Variants in USPL1 observed in about 807,000 individuals in gnomAD.
USPL1 encodes the protein SUMO-specific isopeptidase USPL1.
A neutral mutation model predicts 51.5 loss-of-function variants in USPL1; 27 were observed. That is an observed-to-expected ratio of 0.52 (90% confidence interval 0.39 to 0.72). The LOEUF (loss-of-function observed/expected upper bound fraction) is 0.72. Ranked by LOEUF, USPL1 falls within the 30% of genes least tolerant of loss-of-function variation. USPL1 has a pLI of 0.00. For synonymous variants in USPL1, 451 were observed against 459.6 expected, an observed-to-expected ratio of 0.98 and a Z score of 0.24; for missense variants, 1,226 against 1,268.0, an observed-to-expected ratio of 0.97 and a Z score of 0.50.
intron 4 of USPL1, among the ~76,000 whole-genome samples, chr13:30,631,874 C>T (rs1950810810): frequency 6.6e-6 from 1 of 152,136 alleles, no homozygotes; most frequent in South Asian, 2.1e-4. Flanking sequence ...CTTCTGTTTC[C>T]TGGAGGCCTG....
intron 7 of USPL1, 37 bp from the exon 8 acceptor site, chr13:30,653,111 A>G: frequency 6.5e-7 from 1 of 1,539,824 alleles, no homozygotes; most frequent in Non-Finnish European, 8.8e-7. Flanking sequence ...ACATGGCATT[A>G]AATTTATTTA....
intron 8 of USPL1, among the ~76,000 whole-genome samples, chr13:30,656,708 G>C (rs545652666): frequency 6.6e-6 from 1 of 152,128 alleles, no homozygotes; most frequent in East Asian, 1.9e-4. Context: ...GGGTCTTAAC[G>C]GTAATTCTGT....
intron 4 of USPL1, 149 bp downstream of exon 4, chr13:30,631,623 C>T (rs1412191228): frequency 1.4e-6 from 1 of 704,970 alleles, no homozygotes; most frequent in East Asian, 2.8e-5. Context: ...ACCTCAGTCT[C>T]CCAAGTAGCT....
In USPL1 at chr13:30,646,893, A is replaced by G. The variant is rs779947556; in HGVS notation, c.1113-39A>G. 13 of 1,586,540 alleles carry G rather than the reference A, an allele frequency of 8.2e-6. No individual in the cohort carries two copies. In the South Asian group the frequency reaches 1.5e-4, roughly 18 times the overall value. Reference sequence around the variant, plus strand: ...CATTGGTTTAAATTAATGTAAATGCATTTAACGTTAATGAATTTGTTATGT... The same window carrying G: ...CATTGGTTTAAATTAATGTAAATGCGTTTAACGTTAATGAATTTGTTATGT... On this transcript the variant is annotated intron_variant, in intron 6 of 8. Coordinates refer to ENST00000255304, the MANE Select transcript of USPL1 (RefSeq NM_005800.5).
At position 30,653,004 on chromosome 13, in the gene USPL1, GCA is replaced by G. The variant is rs1201182855; in HGVS notation, c.1239-139_1239-138del. 27 of 685,172 alleles carry G rather than the reference GCA, an allele frequency of 3.9e-5. No individual in the cohort carries two copies. In the East Asian group the frequency reaches 7.0e-4, roughly 18 times the overall value. The allele number at this position is 685,172 out of a possible 1,614,324, so 42.4% of individuals were successfully genotyped here. A position where few individuals can be genotyped will look rare whatever the true frequency, so the allele number is the denominator to read the frequency against. Reference sequence around the variant, plus strand: ...AGAGAGTTCTCCATTTCTAATTAAGGCACACATCTGGAGGTGCTCAAGAAAAA... The same window carrying G: ...AGAGAGTTCTCCATTTCTAATTAAGGCACATCTGGAGGTGCTCAAGAAAAA... On this transcript the variant is annotated intron_variant, in intron 7 of 8. Transcript: ENST00000255304.
intron 3 of USPL1, among the ~76,000 whole-genome samples, chr13:30,630,057 G>C (rs1950780155): frequency 6.6e-6 from 1 of 152,058 alleles, no homozygotes; most frequent in African/African-American, 2.4e-5. Context: ...GCTCATTGCA[G>C]CCTCCAACTC....
At chr13:30,636,293 G>A (rs1175839256) in intron 4 of USPL1, among the ~76,000 whole-genome samples, 1 of 151,240 alleles carries the variant, frequency 6.6e-6, no homozygotes, top group Non-Finnish European at 1.5e-5. Context: ...CAGAATAATT[G>A]TAGTTTTTAT....
chr13:30,626,440 T>C (rs1950717765), intron 3 of USPL1, among the ~76,000 whole-genome samples: 1 of 152,252 alleles, frequency 6.6e-6, no homozygotes, highest in African/African-American at 2.4e-5. Flanking sequence ...AACATAGCCA[T>C]GCTCAATCAT....
intron 6 of USPL1, among the ~76,000 whole-genome samples, chr13:30,643,457 G>T (rs1182937628): frequency 1.3e-5 from 2 of 152,148 alleles, no homozygotes; most frequent in African/African-American, 4.8e-5. Context: ...TTTAGAAGAG[G>T]AGTCAGGGAG....
chr13:30,651,590 G>A (rs1951092720), intron 7 of USPL1, among the ~76,000 whole-genome samples: 1 of 152,198 alleles, frequency 6.6e-6, no homozygotes, highest in Admixed American at 6.5e-5. Context: ...ATATTCTAGG[G>A]ATCAAGAGAT....
Position 30,631,476 on chromosome 13 carries a change from T to A in USPL1, c.868+2T>A, listed in dbSNP as rs1304594218. The A allele has an allele frequency of 6.2e-7, 1 of 1,604,948 alleles. No individual in the cohort carries two copies. The highest frequency in any genetic ancestry group is 8.5e-7 in the Non-Finnish European group (1 of 1,176,736). On this transcript the variant is annotated splice_donor_variant, in intron 4 of 8. Coordinates refer to ENST00000255304, the MANE Select transcript of USPL1 (RefSeq NM_005800.5). LOFTEE classifies it high-confidence loss of function. Reference sequence around the variant, plus strand: ...CCAGTCAATTGAGTGGTGTTAAAGGTTGGTACTAATATTTTATTTTTATTT... The same window carrying A: ...CCAGTCAATTGAGTGGTGTTAAAGGATGGTACTAATATTTTATTTTTATTT...
intron 4 of USPL1, among the ~76,000 whole-genome samples, chr13:30,632,880 T>G (rs1355571292): frequency 6.6e-6 from 1 of 152,170 alleles, no homozygotes; most frequent in African/African-American, 2.4e-5. Context: ...AAGGGATATG[T>G]TTTTCATTTT....
rs138640605 is a variant in USPL1 at position 30,652,000 on chromosome 13, G to A, written c.1239-1148G>A. ...GGTCAGATAGGTGCCTAAAGCCTGT[G>A]TGTCTCGCTATGAGAATACATCTCA... On this transcript the variant is annotated intron_variant, in intron 7 of 8. Transcript: ENST00000255304. 7.7e-3 allele frequency among the ~76,000 whole-genome samples: 1,166 copies of A among 152,052 alleles called. 5 individuals are homozygous for A. The highest frequency in any genetic ancestry group is 0.019 in the South Asian group (91 of 4,818).
intron 3 of USPL1, among the ~76,000 whole-genome samples, chr13:30,628,532 TC>T (rs1279518665): frequency 1.3e-5 from 2 of 152,150 alleles, no homozygotes; most frequent in Non-Finnish European, 1.5e-5. Context: ...ATGCTATCCC[TC>T]CCCTAGCCCC....
At chr13:30,643,430 T>A (rs988196742) in intron 6 of USPL1, among the ~76,000 whole-genome samples, 4 of 151,966 alleles carry the variant, frequency 2.6e-5, no homozygotes, top group Admixed American at 2.6e-4. Context: ...ACCCACCACG[T>A]AAGGAGAGGA....
intron 3 of USPL1, 111 bp downstream of exon 3, chr13:30,622,003 A>T (rs1334905114): frequency 4.2e-6 from 3 of 709,152 alleles, no homozygotes; most frequent in African/African-American, 3.7e-5. Context: ...TAGATTTTTA[A>T]TATGTAATCT....
In USPL1 at chr13:30,659,041, T is replaced by C. The variant is rs1338198511; in HGVS notation, c.2964T>C (p.Asn988=). Residue 988 remains asparagine, a synonymous_variant, in exon 9 of 9, where the codon AAT becomes AAC. Transcript: ENST00000255304. ...CTGTTTCAACAGAGCTGTCAGAAAA[T>C]GGGGAAGGTGACTTTAGGTATTTGG... ...PTPVSTELSE[N]GEGDFRYLGM... is the part of the protein sequence containing the mutation. 2 of 1,613,944 alleles carry C rather than the reference T, an allele frequency of 1.2e-6. No individual in the cohort carries two copies. The highest frequency in any genetic ancestry group is 8.5e-7 in the Non-Finnish European group (1 of 1,179,984).
At chr13:30,628,307 C>T (rs1304051155) in intron 3 of USPL1, among the ~76,000 whole-genome samples, 2 of 152,064 alleles carry the variant, frequency 1.3e-5, no homozygotes, top group African/African-American at 4.8e-5. Flanking sequence ...CCTCAAGATT[C>T]ATCCATGTTG....
In USPL1 at chr13:30,651,002, CCA is replaced by C. The variant is rs1491320565; in HGVS notation, c.1239-2145_1239-2144del. 7.4e-3 allele frequency among the ~76,000 whole-genome samples: 1,097 copies of C among 148,260 alleles called. 17 individuals carry two copies. Among genetic ancestry groups the C allele is most frequent in the African/African-American group, 0.026 (1,036 of 40,306 alleles). On this transcript the variant is annotated intron_variant, in intron 7 of 8. Coordinates refer to ENST00000255304, the MANE Select transcript of USPL1 (RefSeq NM_005800.5). ...AGACGCCATCTCAAAAACAAACAAA[CCA>C]AAAAAAAAAAAAAAATTTCATAGTT... is the stretch of plus-strand genomic sequence containing the variant.
Sources: allele counts gnomAD v4.1 joint callset (sites outside exome capture counted in the v4.1 genomes callset), GRCh38; gene constraint gnomAD v4.1.1; transcripts MANE v1.5; gene names NCBI Gene and HGNC (gene_info 2026-07-23, HGNC 2026-07-21).